Variants in NOS1AP observed in about 807,000 individuals in gnomAD.
NOS1AP encodes carboxyl-terminal PDZ ligand of neuronal nitric oxide synthase protein.
In NOS1AP, 21 loss-of-function variants were observed where a neutral mutation model predicts 56.2. The observed-to-expected ratio is 0.37, with a 90% CI of 0.26 to 0.54. The LOEUF (loss-of-function observed/expected upper bound fraction) is 0.54, where lower values mean the gene tolerates loss of function less well. Among genes scored for constraint, NOS1AP ranks in the 20% least tolerant of loss-of-function variants. The probability of loss-of-function intolerance (pLI) is 0.84; values close to 1 mark genes in which losing one functional copy is unlikely to be tolerated. For missense variants in NOS1AP, 522 were observed against 657.8 expected (o/e 0.79, Z 2.26); for synonymous variants, 270 against 274.6 (o/e 0.98, Z 0.17).
chr1:162,309,057 C>T (rs1306250666), intron 4 of NOS1AP, among the ~76,000 whole-genome samples: 1 of 152,184 alleles, frequency 6.6e-6, no homozygotes, highest in East Asian at 1.9e-4. Context: ...AGCTTGCATA[C>T]TCTGTTTTTG....
At chr1:162,261,550 TGAAATGACTG>T (rs142240952) in intron 2 of NOS1AP, among the ~76,000 whole-genome samples, 3,678 of 32,258 alleles carry the variant, frequency 0.11, 1,398 homozygotes, top group Non-Finnish European at 0.24. Context: ...GAGAGAGCAA[TGAAATGACTG>T]GAACAGAGGA....
At chr1:162,108,147 A>G (rs914589901) in intron 1 of NOS1AP, among the ~76,000 whole-genome samples, 2 of 152,204 alleles carry the variant, frequency 1.3e-5, no homozygotes, top group African/African-American at 4.8e-5. Flanking sequence ...ATTTCCTACA[A>G]AAAATAACCA....
At chr1:162,171,397 C>G (rs1327903383) in intron 2 of NOS1AP, among the ~76,000 whole-genome samples, 1 of 152,104 alleles carries the variant, frequency 6.6e-6, no homozygotes, top group Non-Finnish European at 1.5e-5. Context: ...TTATGTAACC[C>G]TGGTGTCATG....
intron 1 of NOS1AP, among the ~76,000 whole-genome samples, chr1:162,088,245 C>T (rs1276151630): frequency 6.6e-6 from 1 of 152,126 alleles, no homozygotes; most frequent in East Asian, 1.9e-4. Context: ...AACACTTAAC[C>T]TTGCTGCCTC....
At chr1:162,147,631 C>G (rs1277054516) in intron 1 of NOS1AP, among the ~76,000 whole-genome samples, 1 of 152,140 alleles carries the variant, frequency 6.6e-6, no homozygotes, top group African/African-American at 2.4e-5. Context: ...GAAATATTAA[C>G]TTAGTACTGA....
chr1:162,164,146 C>G (rs1303918034), intron 2 of NOS1AP, among the ~76,000 whole-genome samples: 1 of 152,180 alleles, frequency 6.6e-6, no homozygotes, highest in Admixed American at 6.5e-5. Context: ...CCAGCTCAGT[C>G]CACAGTTTCT....
rs752673036 is a variant in NOS1AP at position 162,289,209 on chromosome 1, TTTCCTTCCTTCCTTCCTTCCTTCC to T, written c.270+1820_270+1843del. Among the ~76,000 whole-genome samples the T allele has an allele frequency of 1.1e-3, 111 of 99,588 alleles. 1 individual carries two copies. Among genetic ancestry groups the T allele is most frequent in the African/African-American group, 3.9e-3 (94 of 24,140 alleles). 65.3% of individuals were successfully genotyped at this position (99,588 alleles called of 152,430 possible). A position where few individuals can be genotyped will look rare whatever the true frequency, so the allele number is the denominator to read the frequency against. On this transcript the variant is annotated intron_variant, in intron 3 of 9. Transcript: ENST00000361897. ...TGCCTTTCTTTCCTTCCTTCCTTCCTTTCCTTCCTTCCTTCCTTCCTTCCTTCCTTCCTTCCTTCCTTCCTTCCT... is the reference window on the plus strand; with the variant it reads ...TGCCTTTCTTTCCTTCCTTCCTTCCTTTCCTTCCTTCCTTCCTTCCTTCCT...
intron 2 of NOS1AP, among the ~76,000 whole-genome samples, chr1:162,227,799 G>T (rs2101665077): frequency 6.6e-6 from 1 of 152,272 alleles, no homozygotes; most frequent in East Asian, 1.9e-4. Context: ...TATGCAAGAT[G>T]AGTTTGCAAA....
At chr1:162,170,328 A>G (rs1380014320) in intron 2 of NOS1AP, among the ~76,000 whole-genome samples, 1 of 152,180 alleles carries the variant, frequency 6.6e-6, no homozygotes, top group Non-Finnish European at 1.5e-5. Flanking sequence ...AGGTACTGTT[A>G]TTAGCCCCAT....
intron 1 of NOS1AP, among the ~76,000 whole-genome samples, chr1:162,081,755 G>GATATATATATATAT (rs201239710): frequency 1.4e-5 from 1 of 71,640 alleles, no homozygotes; most frequent in Non-Finnish European, 2.9e-5. Flanking sequence ...TATATCTATA[G>GATATATATATATAT]ATATATATAT....
intron 5 of NOS1AP, among the ~76,000 whole-genome samples, chr1:162,335,909 G>A (rs1417952212): frequency 2.0e-5 from 3 of 152,066 alleles, no homozygotes; most frequent in Non-Finnish European, 4.4e-5. Context: ...GGCCTCCCTC[G>A]ACCTTGTTCC....
intron 2 of NOS1AP, among the ~76,000 whole-genome samples, chr1:162,200,224 C>T (rs541077137): frequency 6.6e-6 from 1 of 152,288 alleles, no homozygotes; most frequent in East Asian, 1.9e-4. Flanking sequence ...CATACGTGTG[C>T]ACAGGTATTT....
At chr1:162,081,022 G>C (rs971240614) in intron 1 of NOS1AP, among the ~76,000 whole-genome samples, 11 of 152,094 alleles carry the variant, frequency 7.2e-5, no homozygotes, top group African/African-American at 2.7e-4. Flanking sequence ...AGGTAGTGTG[G>C]CTCAGGGTGT....
intron 4 of NOS1AP, among the ~76,000 whole-genome samples, chr1:162,312,866 C>T (rs1352670662): frequency 6.6e-6 from 1 of 151,224 alleles, no homozygotes; most frequent in African/African-American, 2.4e-5. Flanking sequence ...ATAAACAGAG[C>T]CAAAGACAAA....
intron 4 of NOS1AP, 135 bp from the exon 5 acceptor site, chr1:162,332,882 T>C (rs147423579): frequency 8.6e-5 from 61 of 711,886 alleles, no homozygotes; most frequent in Middle Eastern, 2.3e-4. Context: ...TTTTTGATCC[T>C]GAAGGAAGAA....
At chr1:162,338,330 G>T (rs971899908) in intron 5 of NOS1AP, among the ~76,000 whole-genome samples, 2 of 152,052 alleles carry the variant, frequency 1.3e-5, no homozygotes, top group East Asian at 1.9e-4. Context: ...AAAGATGTGT[G>T]CCCCCATTAT....
intron 8 of NOS1AP, chr1:162,362,925 A>T (rs1657951215): frequency 2.1e-6 from 2 of 974,066 alleles, no homozygotes; most frequent in Admixed American, 6.2e-5. Flanking sequence ...TTCCCTGTTG[A>T]GTGGATATAG....
chr1:162,369,859 G>A lies in NOS1AP; in HGVS notation c.*2392G>A, dbSNP rs1163871653. ...GATGGGAGACAAAGGACAGATCTAG[G>A]AGCCTTGAAGGATCACCAGCCACCG... On this transcript the variant is annotated 3_prime_UTR_variant, in exon 10 of 10. Transcript: ENST00000361897. 1 of 152,254 alleles carries A rather than the reference G, an allele frequency of 6.6e-6. No individual in the cohort carries two copies. The highest frequency in any genetic ancestry group is 1.9e-4 in the East Asian group (1 of 5,186). 9.4% of individuals were successfully genotyped at this position (152,254 alleles called of 1,614,324 possible).
At chr1:162,092,143 C>T (rs1692150347) in intron 1 of NOS1AP, among the ~76,000 whole-genome samples, 1 of 152,220 alleles carries the variant, frequency 6.6e-6, no homozygotes, top group Non-Finnish European at 1.5e-5. Flanking sequence ...TCCAGTCTCT[C>T]AAACCCCAGC....
Sources: allele counts gnomAD v4.1 joint callset (sites outside exome capture counted in the v4.1 genomes callset), GRCh38; gene constraint gnomAD v4.1.1; transcripts MANE v1.5; gene names NCBI Gene and HGNC (gene_info 2026-07-23, HGNC 2026-07-21).